WWOX: variants seen among roughly 807,000 people sequenced by gnomAD.
WWOX encodes the protein WW domain containing oxidoreductase.
In WWOX, 69 loss-of-function variants were observed where a neutral mutation model predicts 46.2. That is an observed-to-expected ratio of 1.49 (90% CI 1.23 to 1.82). WWOX has a LOEUF of 1.82. Ranked by LOEUF, WWOX falls within the 40% of genes most tolerant of loss-of-function variation. The pLI, the probability that WWOX is intolerant of heterozygous loss-of-function variation, is 0.00. For missense variants in WWOX, 919 were observed against 542.6 expected (o/e 1.69, Z -6.89); for synonymous variants, 359 against 202.6 (o/e 1.77, Z -6.56).
At chr16:78,506,237 C>G (rs539286699) in intron 8 of WWOX, among the ~76,000 whole-genome samples, 21 of 152,322 alleles carry the variant, frequency 1.4e-4, no homozygotes, top group African/African-American at 4.8e-4. Flanking sequence ...GACACACAGG[C>G]TGTGTTCTCC....
chr16:78,599,634 C>T (rs552792008), intron 8 of WWOX, among the ~76,000 whole-genome samples: 8 of 152,316 alleles, frequency 5.3e-5, no homozygotes, highest in Admixed American at 5.2e-4. Context: ...GCCTGCCAAT[C>T]AACATTTGCT....
At chr16:78,936,009 G>A (rs1375418526) in intron 8 of WWOX, among the ~76,000 whole-genome samples, 1 of 152,146 alleles carries the variant, frequency 6.6e-6, no homozygotes, top group Non-Finnish European at 1.5e-5. Context: ...GGATGCTGAA[G>A]TTCTGCCAAC....
chr16:78,222,600 G>A (rs1208874883), intron 5 of WWOX, among the ~76,000 whole-genome samples: 1 of 152,150 alleles, frequency 6.6e-6, no homozygotes, highest in Non-Finnish European at 1.5e-5. Context: ...GACTCCCTGT[G>A]AACAGCACTT....
intron 8 of WWOX, among the ~76,000 whole-genome samples, chr16:78,566,866 T>C (rs1398153174): frequency 1.3e-5 from 2 of 151,992 alleles, no homozygotes; most frequent in African/African-American, 4.8e-5. Flanking sequence ...CAGTTCAGAG[T>C]TGAAAGAATT....
chr16:78,568,474 C>CT (rs200073404), intron 8 of WWOX, among the ~76,000 whole-genome samples: 1,605 of 133,366 alleles, frequency 0.012, 22 homozygotes, highest in African/African-American at 0.025. Flanking sequence ...AAGCTTCCAA[C>CT]TTTTTTTTTT....
intron 8 of WWOX, among the ~76,000 whole-genome samples, chr16:78,883,337 T>C (rs570373864): frequency 6.6e-6 from 1 of 152,304 alleles, no homozygotes; most frequent in East Asian, 1.9e-4. Context: ...CATCCTGGAT[T>C]AGACCCTGAA....
chr16:79,193,564 A>G (rs1337961765), intron 8 of WWOX, among the ~76,000 whole-genome samples: 3 of 152,200 alleles, frequency 2.0e-5, no homozygotes, highest in Non-Finnish European at 2.9e-5. Context: ...GATTTAGTCC[A>G]GTCATCCATC....
chr16:78,598,044 C>T (rs1268819817), intron 8 of WWOX, among the ~76,000 whole-genome samples: 1 of 152,156 alleles, frequency 6.6e-6, no homozygotes, highest in Admixed American at 6.5e-5. Context: ...TCCAGCTCCA[C>T]TAATCTCCAG....
intron 8 of WWOX, among the ~76,000 whole-genome samples, chr16:78,599,745 T>C (rs1465131614): frequency 2.6e-5 from 4 of 152,012 alleles, no homozygotes; most frequent in African/African-American, 9.7e-5. Context: ...GAGGGAGAAT[T>C]GTTACCCCCG....
chr16:78,192,604 A>G (rs532118445), intron 5 of WWOX, among the ~76,000 whole-genome samples: 5 of 152,308 alleles, frequency 3.3e-5, no homozygotes, highest in Admixed American at 2.0e-4. Context: ...CTGGCATACA[A>G]TAAATACTTT....
intron 8 of WWOX, among the ~76,000 whole-genome samples, chr16:78,828,729 C>T (rs569692275): frequency 3.3e-5 from 5 of 152,204 alleles, no homozygotes; most frequent in African/African-American, 9.6e-5. Flanking sequence ...TTAGCAATAT[C>T]GTCTCTAGTC....
intron 8 of WWOX, among the ~76,000 whole-genome samples, chr16:78,720,212 T>C (rs1031793607): frequency 2.0e-5 from 3 of 152,164 alleles, no homozygotes; most frequent in Non-Finnish European, 4.4e-5. Context: ...CAGTAAGACT[T>C]AAGGCCCACT....
rs5818205 is a variant in WWOX at position 79,152,673 on chromosome 16, G to GA, written c.1057-58920dup. The stretch of plus-strand genomic sequence containing the variant: ...CGACAGAGTGAGTCTCCATCTCAAA[G>GA]AAAAAAAAAAAAAAACAAAAACCTG... On this transcript the variant is annotated intron_variant, in intron 8 of 8. Transcript: ENST00000566780. Among the ~76,000 whole-genome samples the GA allele has an allele frequency of 8.4e-3, 1,053 of 125,744 alleles. 14 individuals are homozygous for GA. The highest frequency in any genetic ancestry group is 0.042 in the Admixed American group (525 of 12,630). 82.5% of individuals were successfully genotyped at this position (125,744 alleles called of 152,430 possible). A position where few individuals can be genotyped will look rare whatever the true frequency, so the allele number is the denominator to read the frequency against.
intron 5 of WWOX, among the ~76,000 whole-genome samples, chr16:78,194,699 T>C (rs1173779348): frequency 2.0e-5 from 3 of 152,142 alleles, no homozygotes; most frequent in African/African-American, 2.4e-5. Context: ...CTGCTTCTTT[T>C]TGGGACAGGT....
intron 8 of WWOX, among the ~76,000 whole-genome samples, chr16:78,974,257 C>G (rs116425758): frequency 6.6e-6 from 1 of 152,228 alleles, no homozygotes. Flanking sequence ...AAAACTGTCT[C>G]TAATGACCGC....
intron 8 of WWOX, among the ~76,000 whole-genome samples, chr16:78,755,933 A>G (rs1046175168): frequency 6.6e-6 from 1 of 152,212 alleles, no homozygotes; most frequent in African/African-American, 2.4e-5. Context: ...TGAGAAGAAC[A>G]TATGCCAAGG....
intron 8 of WWOX, among the ~76,000 whole-genome samples, chr16:79,144,421 C>G (rs2050147634): frequency 6.6e-6 from 1 of 152,206 alleles, no homozygotes; most frequent in Admixed American, 6.5e-5. Flanking sequence ...TGCTTATCTC[C>G]TTGTACAGAG....
chr16:78,857,872 G>A (rs1033220405), intron 8 of WWOX, among the ~76,000 whole-genome samples: 6 of 152,128 alleles, frequency 3.9e-5, no homozygotes, highest in Non-Finnish European at 7.4e-5. Context: ...TTAAACACAT[G>A]CCTTTTGATC....
intron 8 of WWOX, among the ~76,000 whole-genome samples, chr16:78,587,148 C>G (rs2045227381): frequency 6.7e-6 from 1 of 149,146 alleles, no homozygotes; most frequent in South Asian, 2.1e-4. Context: ...ACCTCAGCCT[C>G]TTGAGTGGCT....
Sources: gnomAD v4.1 joint callset for allele counts (sites outside exome capture counted in the v4.1 genomes callset) on GRCh38, gnomAD v4.1.1 for gene constraint, MANE v1.5 for transcripts, NCBI Gene and HGNC (gene_info 2026-07-23, HGNC 2026-07-21) for gene names.